Variants in CHODL observed in about 807,000 individuals in gnomAD.
CHODL encodes the protein transmembrane protein MT75.
CHODL carries 29 observed loss-of-function variants against 34.5 expected under a neutral mutation model. The observed-to-expected ratio is 0.84, with a 90% CI of 0.63 to 1.15. The LOEUF (loss-of-function observed/expected upper bound fraction) is 1.15, where lower values mean the gene tolerates loss of function less well. Among genes scored for constraint, CHODL ranks in the 50% most tolerant of loss-of-function variants. The probability of loss-of-function intolerance (pLI) is 0.00; values close to 1 mark genes in which losing one functional copy is unlikely to be tolerated. For synonymous variants in CHODL, 125 were observed against 116.1 expected (o/e 1.08, Z -0.49); for missense variants, 332 against 332.5 (o/e 1.00, Z 0.01).
chr21:18,242,551 A>G (rs2074092402), upstream of CHODL, among the ~76,000 whole-genome samples: 2 of 152,144 alleles, frequency 1.3e-5, no homozygotes, highest in South Asian at 2.1e-4. Context: ...GTGATGACCC[A>G]TCCAGATGTT....
chr21:18,248,701 AT>A (rs1338939861), intron 1 of CHODL, among the ~76,000 whole-genome samples: 5 of 121,602 alleles, frequency 4.1e-5, no homozygotes, highest in African/African-American at 1.7e-4. Flanking sequence ...ATACATATAT[AT>A]GTATATAATA....
chr21:17,951,321 T>TA (rs1365693464), intron 1 of CHODL, among the ~76,000 whole-genome samples: 3 of 152,216 alleles, frequency 2.0e-5, no homozygotes, highest in Non-Finnish European at 4.4e-5. Context: ...GTGGCAGGTA[T>TA]GGTTGGATTC....
chr21:18,154,877 A>G (rs1053893818), intron 2 of CHODL, among the ~76,000 whole-genome samples: 1 of 152,146 alleles, frequency 6.6e-6, no homozygotes, highest in African/African-American at 2.4e-5. Context: ...AGAAAATTTC[A>G]AGTCTGTATA....
chr21:18,204,040 C>A (rs2073685018), intron 2 of CHODL, among the ~76,000 whole-genome samples: 1 of 152,090 alleles, frequency 6.6e-6, no homozygotes, highest in South Asian at 2.1e-4. Flanking sequence ...CCTAACATCT[C>A]ATTTTTACTC....
At chr21:18,124,613 G>A (rs1013257204) in intron 2 of CHODL, among the ~76,000 whole-genome samples, 1 of 152,260 alleles carries the variant, frequency 6.6e-6, no homozygotes, top group South Asian at 2.1e-4. Context: ...AAATTTTCGT[G>A]GTGAGAATGT....
intron 1 of CHODL, among the ~76,000 whole-genome samples, chr21:17,985,139 C>T (rs1017869207): frequency 6.6e-5 from 10 of 152,024 alleles, no homozygotes; most frequent in Admixed American, 2.0e-4. Flanking sequence ...TTGGAGAAAA[C>T]GGATGTATCT....
intron 1 of CHODL, among the ~76,000 whole-genome samples, chr21:17,994,636 T>C (rs2063830695): frequency 6.6e-6 from 1 of 152,134 alleles, no homozygotes; most frequent in African/African-American, 2.4e-5. Context: ...GCAACGGTAG[T>C]CAGGGCAGCT....
At chr21:17,987,187 C>T (rs2146382812) in intron 1 of CHODL, among the ~76,000 whole-genome samples, 1 of 152,184 alleles carries the variant, frequency 6.6e-6, no homozygotes, top group Admixed American at 6.5e-5. Flanking sequence ...TCCCACTAGC[C>T]CAATCTCAGC....
intron 1 of CHODL, among the ~76,000 whole-genome samples, chr21:17,948,659 A>C (rs1238562198): frequency 6.6e-6 from 1 of 152,174 alleles, no homozygotes; most frequent in Non-Finnish European, 1.5e-5. Context: ...CCCTAGAAGA[A>C]ATGGATAAAT....
intron 2 of CHODL, among the ~76,000 whole-genome samples, chr21:18,191,511 T>C (rs1353735634): frequency 6.6e-6 from 1 of 152,210 alleles, no homozygotes. Context: ...TGAGGTAATA[T>C]GTCATTGTGA....
intron 1 of CHODL, among the ~76,000 whole-genome samples, chr21:17,959,883 A>G (rs910975032): frequency 1.3e-5 from 2 of 152,222 alleles, no homozygotes; most frequent in African/African-American, 4.8e-5. Flanking sequence ...TATAATTTTC[A>G]GGAAATTAAA....
intron 1 of CHODL, among the ~76,000 whole-genome samples, chr21:17,978,089 T>C (rs969252211): frequency 6.6e-6 from 1 of 152,040 alleles, no homozygotes; most frequent in Non-Finnish European, 1.5e-5. Flanking sequence ...GAAATCCTAG[T>C]TGGTTTGTTT....
chr21:18,223,749 A>C (rs963526269), intron 2 of CHODL, among the ~76,000 whole-genome samples: 5 of 152,166 alleles, frequency 3.3e-5, no homozygotes, highest in Admixed American at 1.3e-4. Flanking sequence ...TGATTCTATG[A>C]TAATAAAATA....
chr21:17,960,533 TGC>T (rs2063524514), intron 1 of CHODL, among the ~76,000 whole-genome samples: 1 of 152,142 alleles, frequency 6.6e-6, no homozygotes, highest in Non-Finnish European at 1.5e-5. Context: ...TACCATTGAG[TGC>T]TCCTTGTTTT....
intron 2 of CHODL, among the ~76,000 whole-genome samples, chr21:18,102,980 C>A (rs2065233089): frequency 1.3e-5 from 2 of 152,102 alleles, no homozygotes; most frequent in Admixed American, 6.6e-5. Context: ...TTCTGGAATC[C>A]AAACCAAAGA....
At chr21:18,093,964 A>G (rs1466951118) in intron 2 of CHODL, among the ~76,000 whole-genome samples, 7 of 152,098 alleles carry the variant, frequency 4.6e-5, no homozygotes, top group Non-Finnish European at 1.0e-4. Flanking sequence ...CCAATGATCT[A>G]TGCTTACAGG....
At chr21:17,973,896 T>C (rs1368072341) in intron 1 of CHODL, among the ~76,000 whole-genome samples, 2 of 152,094 alleles carry the variant, frequency 1.3e-5, no homozygotes, top group Non-Finnish European at 2.9e-5. Context: ...CTCTTCCCCT[T>C]CCTCCTTGCT....
intron 1 of CHODL, among the ~76,000 whole-genome samples, chr21:17,917,824 C>T (rs2063152281): frequency 6.6e-6 from 1 of 151,904 alleles, no homozygotes; most frequent in Non-Finnish European, 1.5e-5. Flanking sequence ...CATGTTTTAT[C>T]TTTTTGTTAA....
intron 1 of CHODL, among the ~76,000 whole-genome samples, chr21:17,920,459 T>G (rs2063174623): frequency 6.6e-6 from 1 of 152,170 alleles, no homozygotes; most frequent in Admixed American, 6.5e-5. Context: ...TCATTCACTA[T>G]CACAAGAACA....
Sources: allele counts gnomAD v4.1 joint callset (sites outside exome capture counted in the v4.1 genomes callset), GRCh38; gene constraint gnomAD v4.1.1; transcripts MANE v1.5; gene names NCBI Gene and HGNC (gene_info 2026-07-23, HGNC 2026-07-21).